Variants in NRG1 observed in about 807,000 individuals in gnomAD.
The protein encoded by NRG1 is pro-neuregulin-1, membrane-bound isoform.
In NRG1, 18 loss-of-function variants were observed where a neutral mutation model predicts 63.8. The ratio of observed to expected loss-of-function variants is 0.28; its 90% confidence interval spans 0.19 to 0.42. The LOEUF is 0.42. Ranked by LOEUF, NRG1 falls within the 10% of genes least tolerant of loss-of-function variation. NRG1 has a pLI of 1.00. For missense variants in NRG1, 762 were observed against 814.7 expected, an observed-to-expected ratio of 0.94 and a Z score of 0.79; for synonymous variants, 302 against 301.3, an observed-to-expected ratio of 1.00 and a Z score of -0.02.
chr8:32,050,948 A>T (rs1821881227), intron 1 of NRG1, among the ~76,000 whole-genome samples: 2 of 152,156 alleles, frequency 1.3e-5, no homozygotes, highest in African/African-American at 4.8e-5. Context: ...ACACAGAGAA[A>T]ATATTACAGA....
chr8:32,180,804 G>A (rs1841351782), intron 1 of NRG1, among the ~76,000 whole-genome samples: 1 of 152,044 alleles, frequency 6.6e-6, no homozygotes, highest in Non-Finnish European at 1.5e-5. Flanking sequence ...ACTGTGTGCT[G>A]CATTGTTTTT....
rs1164125040 is a variant in NRG1, at chr8:31,640,167, G to A, written c.37+736G>A. The A allele has an allele frequency of 5.3e-5, 63 of 1,185,412 alleles. No homozygotes were observed. The highest frequency in any genetic ancestry group is 6.2e-5 in the Non-Finnish European group (59 of 958,182). 73.4% of individuals were successfully genotyped at this position (1,185,412 alleles called of 1,614,324 possible). A position where few individuals can be genotyped will look rare whatever the true frequency, so the allele number is the denominator to read the frequency against. On this transcript the variant is annotated intron_variant, in intron 1 of 10. Coordinates refer to the NRG1 transcript ENST00000519301. This position sits in a 1 kb window ranked among gnomAD's most constrained non-coding sequence, Gnocchi z 6.3. Reference sequence around the variant, plus strand: ...AGGCGGCTCCCGCGGGGGCCTCGGTGTGCTACTCGTCCCCGCCCAGCGTGG... The same window carrying A: ...AGGCGGCTCCCGCGGGGGCCTCGGTATGCTACTCGTCCCCGCCCAGCGTGG...
intron 1 of NRG1, among the ~76,000 whole-genome samples, chr8:32,300,302 G>A (rs542012268): frequency 4.6e-5 from 7 of 152,256 alleles, no homozygotes; most frequent in South Asian, 4.1e-4. Flanking sequence ...TAATAAAGAG[G>A]AAATGATTCT....
intron 1 of NRG1, among the ~76,000 whole-genome samples, chr8:32,372,261 A>T (rs1461187941): frequency 6.6e-6 from 1 of 151,878 alleles, no homozygotes; most frequent in African/African-American, 2.4e-5. Context: ...AAGTGCTGGG[A>T]TTACGGGTGT....
intron 1 of NRG1, among the ~76,000 whole-genome samples, chr8:32,020,941 T>C (rs1359772754): frequency 3.3e-5 from 5 of 152,228 alleles, no homozygotes; most frequent in Non-Finnish European, 5.9e-5. Flanking sequence ...ATAGCCTGTA[T>C]TTGTATTAAA....
At chr8:31,713,725 A>T (rs1427804643) in intron 1 of NRG1, among the ~76,000 whole-genome samples, 1 of 143,104 alleles carries the variant, frequency 7.0e-6, no homozygotes, top group African/African-American at 2.7e-5. Context: ...AGAACCAACT[A>T]TTCTCTGTTT....
chr8:32,503,288 G>GA (rs60857610), intron 1 of NRG1, among the ~76,000 whole-genome samples: 2,850 of 54,840 alleles, frequency 0.052, 326 homozygotes, highest in Non-Finnish European at 0.075. Flanking sequence ...CTCTGTCTCA[G>GA]AAAAAAAAAA....
intron 1 of NRG1, among the ~76,000 whole-genome samples, chr8:31,689,839 C>T (rs1024011593): frequency 2.0e-5 from 3 of 152,096 alleles, no homozygotes; most frequent in Non-Finnish European, 4.4e-5. Context: ...TAGAACAGGT[C>T]AAGAAGAATC....
At chr8:32,681,486 T>C (rs1279830039) in intron 5 of NRG1, among the ~76,000 whole-genome samples, 1 of 152,146 alleles carries the variant, frequency 6.6e-6, no homozygotes, top group East Asian at 1.9e-4. Context: ...TTTTAAAATG[T>C]ATTAACTGAG....
chr8:32,095,163 G>A (rs1179661467), intron 1 of NRG1, among the ~76,000 whole-genome samples: 4 of 152,134 alleles, frequency 2.6e-5, no homozygotes, highest in South Asian at 4.1e-4. Context: ...ACCTGCCTCC[G>A]CCTCCCAAAG....
intron 1 of NRG1, among the ~76,000 whole-genome samples, chr8:31,899,777 C>G (rs1436956330): frequency 6.6e-6 from 1 of 152,034 alleles, no homozygotes; most frequent in Non-Finnish European, 1.5e-5. Flanking sequence ...TACACACACT[C>G]AATAAAATGT....
At chr8:31,806,733 A>G (rs1306540125) in intron 1 of NRG1, among the ~76,000 whole-genome samples, 1 of 152,198 alleles carries the variant, frequency 6.6e-6, no homozygotes, top group African/African-American at 2.4e-5. Context: ...TCAGAGACAC[A>G]TGAATAGTGA....
In NRG1 at chr8:32,583,600, G is replaced by A. The variant is rs562958313; in HGVS notation, c.101-12228G>A. On this transcript the variant is annotated intron_variant, in intron 1 of 11. Coordinates refer to ENST00000356819, the Ensembl canonical transcript of NRG1. ...TTCATGGGGAATTAATTAAATTCAT[G>A]GTTGGTACTGATCATGTTATTAAAG... 2.0e-5 allele frequency among the ~76,000 whole-genome samples: 3 copies of A among 152,266 alleles called. No individual in the cohort carries two copies. The East Asian group carries it at 5.8e-4, about 29-fold the overall frequency.
intron 1 of NRG1, among the ~76,000 whole-genome samples, chr8:31,807,759 G>A (rs1822429396): frequency 6.6e-6 from 1 of 151,980 alleles, no homozygotes; most frequent in Non-Finnish European, 1.5e-5. Flanking sequence ...TCAGACCCTG[G>A]CTTCCCCCCA....
rs150737393 is a variant in NRG1 at position 31,822,904 on chromosome 8, A to G, written c.37+183473A>G. 8.5e-5 allele frequency among the ~76,000 whole-genome samples: 13 copies of G among 152,290 alleles called. No individual in the cohort carries two copies. In the East Asian group the frequency reaches 2.5e-3, roughly 29 times the overall value. On this transcript the variant is annotated intron_variant, in intron 1 of 10. Coordinates refer to the NRG1 transcript ENST00000519301. ...TCAATATTTTCATTGGTACCCAAGA[A>G]GCCAACAGAGGAGGCCATGTTTTAT... is the stretch of plus-strand genomic sequence containing the variant.
At chr8:32,609,702 C>T (rs1846025399) in intron 3 of NRG1, among the ~76,000 whole-genome samples, 1 of 144,768 alleles carries the variant, frequency 6.9e-6, no homozygotes, top group Non-Finnish European at 1.5e-5. Context: ...CGCTGTGTCA[C>T]CTAGGCTGGA....
At chr8:31,917,722 G>GT (rs1833526375) in intron 1 of NRG1, among the ~76,000 whole-genome samples, 1 of 152,126 alleles carries the variant, frequency 6.6e-6, no homozygotes, top group African/African-American at 2.4e-5. Flanking sequence ...CTTTAAAGTA[G>GT]TTTTTTCCAA....
chr8:31,720,661 G>GA (rs1812823759), intron 1 of NRG1, among the ~76,000 whole-genome samples: 2 of 151,956 alleles, frequency 1.3e-5, no homozygotes, highest in Non-Finnish European at 2.9e-5. Context: ...TGTTTTTAAA[G>GA]AAAAAAGAAA....
chr8:31,966,564 A>C (rs1237416775), intron 1 of NRG1, among the ~76,000 whole-genome samples: 2 of 152,200 alleles, frequency 1.3e-5, no homozygotes, highest in Admixed American at 1.3e-4. Context: ...TTATCCTATT[A>C]TCCCTGATTA....
Sources: allele counts gnomAD v4.1 joint callset (sites outside exome capture counted in the v4.1 genomes callset), GRCh38; gene constraint gnomAD v4.1.1; non-coding constraint Gnocchi (gnomAD v3.1); transcripts MANE v1.5; gene names NCBI Gene and HGNC (gene_info 2026-07-23, HGNC 2026-07-21).